Variants in PDZD9 observed in about 807,000 individuals in gnomAD.
The protein encoded by PDZD9 is PDZ domain containing 9.
PDZD9 carries 13 observed loss-of-function variants against 16.3 expected under a neutral mutation model. The observed-to-expected ratio is 0.80, with a 90% CI of 0.52 to 1.27. The LOEUF (loss-of-function observed/expected upper bound fraction) is 1.27, where lower values mean the gene tolerates loss of function less well. Among genes scored for constraint, PDZD9 ranks in the 50% most tolerant of loss-of-function variants. PDZD9 has a pLI of 0.00. For missense variants in PDZD9, 288 were observed against 310.9 expected, an observed-to-expected ratio of 0.93 and a Z score of 0.55; for synonymous variants, 120 against 111.0, an observed-to-expected ratio of 1.08 and a Z score of -0.51.
chr16:21,971,439 C>A, the PDZD9 span: 8 of 1,120,810 alleles, frequency 7.1e-6, no homozygotes, highest in Non-Finnish European at 1.3e-6. Flanking sequence ...ATTTTACAAT[C>A]GTATTTTTAA....
the PDZD9 span, among the ~76,000 whole-genome samples, chr16:21,977,098 A>C: frequency 6.6e-6 from 1 of 152,198 alleles, no homozygotes; most frequent in Non-Finnish European, 1.5e-5. Flanking sequence ...TCATACCTGT[A>C]ATCCCAGGAC....
intron 2 of PDZD9, among the ~76,000 whole-genome samples, chr16:21,989,319 C>T (rs78774741): frequency 1.9e-3 from 286 of 152,104 alleles, no homozygotes; most frequent in Middle Eastern, 0.014. Flanking sequence ...TTCTTAATAG[C>T]AGTATATTGG....
At chr16:21,982,956 T>C (rs377609761), downstream of PDZD9, 355 of 771,854 alleles carry the variant, frequency 4.6e-4, 1 homozygote, top group African/African-American at 7.5e-3. Context: ...AGAGCGAGAC[T>C]CCACCTCAAA....
the PDZD9 span, chr16:21,968,832 T>C: frequency 3.6e-6 from 2 of 549,510 alleles, no homozygotes; most frequent in South Asian, 5.5e-5. Flanking sequence ...AGGATTTTAA[T>C]TGCTAGTCAT....
the PDZD9 span, among the ~76,000 whole-genome samples, chr16:21,967,099 G>A: frequency 6.6e-6 from 1 of 152,060 alleles, no homozygotes; most frequent in African/African-American, 2.4e-5. Flanking sequence ...AAAGTTAATA[G>A]TATTTTTTAA....
At position 21,993,135 on chromosome 16, in the gene PDZD9, G is replaced by A. The variant is rs1215128239; in HGVS notation, c.211+3187C>T. ...TCATTTATAAATTATCCAGTCTCAG[G>A]CAGTATCTTTACAGCAGTGTAAGAA... On this transcript the variant is annotated intron_variant, in intron 2 of 3. Coordinates refer to ENST00000424898, the MANE Select transcript of PDZD9 (RefSeq NM_001363519.1). Among the ~76,000 whole-genome samples the A allele has an allele frequency of 3.3e-5, 5 of 152,142 alleles. No homozygotes were observed. The East Asian group carries it at 9.6e-4, about 29-fold the overall frequency.
Position 21,996,378 on chromosome 16 carries a change from T to G in PDZD9, c.155A>C (p.Gln52Pro). 1 of 1,536,094 alleles carries G rather than the reference T, an allele frequency of 6.5e-7. No homozygotes were observed. The part of the protein sequence containing the change: ...LIIIQHGPYL[Q>P]ITHLIRKGAA... ...CCCCTTCCTGATGAGGTGGGTGATC[T>G]GGAGGTAGGGTCCATGCTGGATGAT... Residue 52 changes from glutamine to proline, a missense_variant, in exon 2 of 4, where the codon CAG becomes CCG. By Grantham distance (76) the Gln-to-Pro change is moderately conservative. Transcript: ENST00000424898.
At chr16:21,983,218 A>G, downstream of PDZD9, 2 of 1,551,574 alleles carry the variant, frequency 1.3e-6, no homozygotes, top group Non-Finnish European at 8.8e-7. Flanking sequence ...CTCTCAGCCC[A>G]GAGCAGCAAA....
chr16:21,991,012 C>T (rs1426506580), intron 2 of PDZD9, among the ~76,000 whole-genome samples: 2 of 151,936 alleles, frequency 1.3e-5, no homozygotes, highest in Non-Finnish European at 2.9e-5. Flanking sequence ...AGTAAATCAA[C>T]TTTGCAGCAG....
chr16:21,991,947 C>T (rs1024090503), intron 2 of PDZD9, among the ~76,000 whole-genome samples: 8 of 152,174 alleles, frequency 5.3e-5, no homozygotes, highest in African/African-American at 1.9e-4. Flanking sequence ...AGGCACACAT[C>T]GGTTCAAATC....
chr16:21,983,051 T>C (rs576965308), downstream of PDZD9: 3 of 1,593,400 alleles, frequency 1.9e-6, no homozygotes, highest in African/African-American at 2.7e-5. Context: ...TATATTTTTA[T>C]TTTTGTTAAT....
chr16:21,991,118 C>T (rs961960685), intron 2 of PDZD9, among the ~76,000 whole-genome samples: 3 of 152,132 alleles, frequency 2.0e-5, no homozygotes, highest in Admixed American at 6.5e-5. Flanking sequence ...ATGTCTGTGC[C>T]GTTCACCACT....
the PDZD9 span, chr16:21,971,485 A>G: frequency 6.8e-7 from 1 of 1,474,296 alleles, no homozygotes; most frequent in Non-Finnish European, 9.4e-7. Flanking sequence ...GTGTTTTAGT[A>G]ATTGTGGTTC....
the PDZD9 span, among the ~76,000 whole-genome samples, chr16:21,971,101 T>C: frequency 6.6e-6 from 1 of 152,164 alleles, no homozygotes; most frequent in Admixed American, 6.5e-5. Context: ...AGCTAACTAT[T>C]AGAAACATGC....
Position 21,999,286 on chromosome 16 carries a change from A to C in PDZD9, c.31+1731T>G, listed in dbSNP as rs1899230228. 3 of 222,370 alleles carry C rather than the reference A, an allele frequency of 1.3e-5. No individual in the cohort carries two copies. In the South Asian group the frequency reaches 2.5e-4, roughly 18 times the overall value. 13.8% of individuals were successfully genotyped at this position (222,370 alleles called of 1,614,324 possible). On this transcript the variant is annotated intron_variant, in intron 1 of 3. Transcript: ENST00000424898. ...CTGGAACCCGAAGGTACTGACAAAGATGATCCTACTGCTGTTGAAAGTGAG... is the reference window on the plus strand; with the variant it reads ...CTGGAACCCGAAGGTACTGACAAAGCTGATCCTACTGCTGTTGAAAGTGAG...
chr16:21,995,116 G>A (rs922366091), intron 2 of PDZD9: 6 of 409,352 alleles, frequency 1.5e-5, no homozygotes, highest in East Asian at 1.6e-4. Context: ...GATCACAAGG[G>A]CAGATTTCCC....
At chr16:21,982,237 A>G (rs1395219107), downstream of PDZD9, among the ~76,000 whole-genome samples, 1 of 152,020 alleles carries the variant, frequency 6.6e-6, no homozygotes, top group Non-Finnish European at 1.5e-5. Flanking sequence ...CTTCATAGTA[A>G]TAAGATAAGC....
At chr16:21,959,860 G>A in the PDZD9 span, 1 of 152,206 alleles carries the variant, frequency 6.6e-6, no homozygotes, top group African/African-American at 2.4e-5. Context: ...CAGAGCTCTT[G>A]GCATTGTTGC....
chr16:21,961,971 A>G, the PDZD9 span, among the ~76,000 whole-genome samples: 119 of 151,964 alleles, frequency 7.8e-4, 1 homozygote, highest in Non-Finnish European at 1.5e-3. Flanking sequence ...TCATTTTCTT[A>G]AGTGTGCAGT....
Sources: gnomAD v4.1 joint callset for allele counts (sites outside exome capture counted in the v4.1 genomes callset) on GRCh38, gnomAD v4.1.1 for gene constraint, MANE v1.5 for transcripts, NCBI Gene and HGNC (gene_info 2026-07-23, HGNC 2026-07-21) for gene names.